Variants in ERAP1 observed in about 807,000 individuals in gnomAD.
The protein encoded by ERAP1 is endoplasmic reticulum aminopeptidase 1, also known as adipocyte-derived leucine aminopeptidase.
Under a neutral mutation model 103.7 loss-of-function variants are expected in ERAP1, and 86 were observed. The ratio of observed to expected loss-of-function variants is 0.83; its 90% CI spans 0.70 to 0.99. The LOEUF is 0.99. Among genes scored for constraint, ERAP1 ranks in the 50% least tolerant of loss-of-function variants. The pLI, the probability that ERAP1 is intolerant of heterozygous loss-of-function variation, is 0.00. For synonymous variants in ERAP1, 398 were observed against 402.4 expected, an observed-to-expected ratio of 0.99 and a Z score of 0.13; for missense variants, 1,009 against 1,128.4, an observed-to-expected ratio of 0.89 and a Z score of 1.52.
chr5:96,877,406 T>C, the ERAP1 span, among the ~76,000 whole-genome samples: 1 of 121,644 alleles, frequency 8.2e-6, no homozygotes, highest in South Asian at 3.0e-4. Context: ...TCTAGGAGTG[T>C]CTGCTACAAG....
At chr5:96,900,795 G>T in the ERAP1 span, among the ~76,000 whole-genome samples, 7 of 152,100 alleles carry the variant, frequency 4.6e-5, no homozygotes, top group Non-Finnish European at 1.0e-4. Flanking sequence ...CTCTGCCTCA[G>T]CCTCCCAAGT....
the ERAP1 span, chr5:96,934,766 C>G: frequency 6.6e-6 from 1 of 152,370 alleles, no homozygotes; most frequent in Non-Finnish European, 1.5e-5. Context: ...CCTGGCGCCC[C>G]GCTGTTGAAA....
At chr5:96,872,221 G>A in the ERAP1 span, among the ~76,000 whole-genome samples, 1 of 151,860 alleles carries the variant, frequency 6.6e-6, no homozygotes, top group African/African-American at 2.4e-5. Flanking sequence ...ATCTAGCACT[G>A]TCAGGGAGCC....
the ERAP1 span, among the ~76,000 whole-genome samples, chr5:96,870,311 G>A: frequency 1.3e-5 from 2 of 152,116 alleles, no homozygotes; most frequent in Non-Finnish European, 2.9e-5. Flanking sequence ...ACAAACACAA[G>A]CCAACTCCAT....
chr5:96,775,398 A>G lies in ERAP1; in HGVS notation c.*998T>C. ...AGTAAATGCCAATAACTAGTTAGTT[A>G]GAAATTGTAAAGTAGGCCAAATAAG... On this transcript the variant is annotated 3_prime_UTR_variant, in exon 19 of 19. Transcript: ENST00000443439. 5 of 985,544 alleles carry G rather than the reference A, an allele frequency of 5.1e-6. No individual in the cohort carries two copies. The highest frequency in any genetic ancestry group is 6.0e-6 in the Non-Finnish European group (5 of 829,880). 61.0% of individuals were successfully genotyped at this position (985,544 alleles called of 1,614,324 possible). A position where few individuals can be genotyped will look rare whatever the true frequency, so the allele number is the denominator to read the frequency against.
At chr5:96,884,584 G>C in the ERAP1 span, among the ~76,000 whole-genome samples, 6 of 151,922 alleles carry the variant, frequency 3.9e-5, no homozygotes, top group African/African-American at 1.5e-4. Flanking sequence ...TTGAGACAGA[G>C]TCTCTCTCTG....
chr5:96,870,123 T>C, the ERAP1 span, among the ~76,000 whole-genome samples: 1 of 152,086 alleles, frequency 6.6e-6, no homozygotes, highest in Non-Finnish European at 1.5e-5. Flanking sequence ...CTTTTGATAG[T>C]AGGACCAGGG....
chr5:96,836,916 T>G, the ERAP1 span, among the ~76,000 whole-genome samples: 2 of 152,222 alleles, frequency 1.3e-5, no homozygotes, highest in African/African-American at 4.8e-5. Flanking sequence ...ATCAGAAGAT[T>G]TTTTAAATAG....
the ERAP1 span, among the ~76,000 whole-genome samples, chr5:96,888,017 C>T: frequency 1.3e-3 from 198 of 151,566 alleles, 2 homozygotes; most frequent in African/African-American, 4.2e-3. Context: ...CCCAGCTACT[C>T]GGGAGGCTGA....
the ERAP1 span, among the ~76,000 whole-genome samples, chr5:96,920,085 G>A: frequency 6.6e-6 from 1 of 152,142 alleles, no homozygotes; most frequent in East Asian, 1.9e-4. Flanking sequence ...GCCAAGAAGG[G>A]GGATTACTCG....
At chr5:96,888,421 T>A in the ERAP1 span, among the ~76,000 whole-genome samples, 1 of 152,254 alleles carries the variant, frequency 6.6e-6, no homozygotes, top group East Asian at 1.9e-4. Context: ...TAAATCATTA[T>A]GTGTTTTTAT....
the ERAP1 span, among the ~76,000 whole-genome samples, chr5:96,869,615 A>G: frequency 1.3e-5 from 2 of 152,366 alleles, no homozygotes; most frequent in East Asian, 3.9e-4. Flanking sequence ...ATATCAAAAA[A>G]CATTGTCAAA....
At chr5:96,780,655 G>T in intron 17 of ERAP1, 151 bp from the exon 18 acceptor site, 1 of 703,924 alleles carries the variant, frequency 1.4e-6, no homozygotes, top group Non-Finnish European at 2.5e-6. Context: ...TTAAGATCTA[G>T]CTGTAAAGAA....
chr5:96,846,597 T>C, the ERAP1 span, among the ~76,000 whole-genome samples: 1 of 152,196 alleles, frequency 6.6e-6, no homozygotes, highest in African/African-American at 2.4e-5. Flanking sequence ...AGGTCTGAGA[T>C]AGGGCATGAG....
chr5:96,882,612 C>A, the ERAP1 span, among the ~76,000 whole-genome samples: 1 of 152,174 alleles, frequency 6.6e-6, no homozygotes, highest in Non-Finnish European at 1.5e-5. Flanking sequence ...ATCGTGTAAG[C>A]AACAAAGATT....
At chr5:96,770,520 CT>C, downstream of ERAP1, 1 of 1,601,906 alleles carries the variant, frequency 6.2e-7, no homozygotes, top group Non-Finnish European at 8.6e-7. Flanking sequence ...ATTACATTTC[CT>C]TTGCTTTAGG....
the ERAP1 span, among the ~76,000 whole-genome samples, chr5:96,907,770 C>G: frequency 1.3e-5 from 2 of 151,992 alleles, no homozygotes; most frequent in Non-Finnish European, 2.9e-5. Context: ...ATAATCCCAG[C>G]TACTCAGGAG....
intron 5 of ERAP1, 43 bp from the exon 6 acceptor site, chr5:96,794,000 A>G (rs1177527827): frequency 1.9e-6 from 3 of 1,599,454 alleles, no homozygotes; most frequent in Admixed American, 3.3e-5. Context: ...TCTCTAAGCT[A>G]TACATTCTCC....
At chr5:96,913,410 A>G in the ERAP1 span, 1 of 1,614,158 alleles carries the variant, frequency 6.2e-7, no homozygotes, top group Non-Finnish European at 8.5e-7. Context: ...AGGGGCAGCA[A>G]CTAGCATGGG....
Sources: gnomAD v4.1 joint callset for allele counts (sites outside exome capture counted in the v4.1 genomes callset) on GRCh38, gnomAD v4.1.1 for gene constraint, MANE v1.5 for transcripts, NCBI Gene and HGNC (gene_info 2026-07-23, HGNC 2026-07-21) for gene names.